RGL1: variants seen among roughly 807,000 people sequenced by gnomAD.
RGL1 encodes ral guanine nucleotide dissociation stimulator-like 1.
A neutral mutation model predicts 95.2 loss-of-function variants in RGL1; 24 were observed. The observed-to-expected ratio is 0.25, with a 90% CI of 0.18 to 0.35. The LOEUF is 0.35. Among genes scored for constraint, RGL1 ranks in the 10% least tolerant of loss-of-function variants. The pLI is 1.00. For synonymous variants in RGL1, 329 were observed against 344.9 expected, an observed-to-expected ratio of 0.95 and a Z score of 0.51; for missense variants, 715 against 936.3, an observed-to-expected ratio of 0.76 and a Z score of 3.08.
At chr1:183,783,136 C>T (rs1476595436) in intron 2 of RGL1, among the ~76,000 whole-genome samples, 1 of 152,046 alleles carries the variant, frequency 6.6e-6, no homozygotes, top group Non-Finnish European at 1.5e-5. Flanking sequence ...AAAGGAAGAA[C>T]TGAAGGGATT....
At chr1:183,717,164 C>T (rs902419618) in intron 1 of RGL1, among the ~76,000 whole-genome samples, 1 of 152,198 alleles carries the variant, frequency 6.6e-6, no homozygotes, top group African/African-American at 2.4e-5. Flanking sequence ...TACTCCTAAA[C>T]TGATCAAAGA....
rs1668676158 is a variant in RGL1 at position 183,912,135 on chromosome 1, C to T, written c.1616C>T (p.Pro539Leu). The part of the protein sequence containing the change: ...ITSPTPTKEQ[P>L]KSTASGSSGE... Reference sequence around the variant, plus strand: ...AGTCCCACTCCCACCAAAGAGCAGCCCAAGTCCACTGCCAGCGGGAGCTCT... The same window carrying T: ...AGTCCCACTCCCACCAAAGAGCAGCTCAAGTCCACTGCCAGCGGGAGCTCT... Residue 539 changes from proline (P) to leucine (L), a missense_variant, in exon 15 of 18, where the codon CCC becomes CTC. Coordinates refer to ENST00000360851, the MANE Select transcript of RGL1 (RefSeq NM_001297671.3). The T allele has an allele frequency of 6.2e-7, 1 of 1,614,102 alleles. No homozygotes were observed. The highest frequency in any genetic ancestry group is 1.1e-5 in the South Asian group (1 of 91,076).
At chr1:183,659,809 A>C (rs904353537) in intron 1 of RGL1, among the ~76,000 whole-genome samples, 15 of 151,614 alleles carry the variant, frequency 9.9e-5, no homozygotes, top group South Asian at 2.1e-4. Context: ...GCCAGAGAGA[A>C]AGGTCGGGTT....
chr1:183,865,367 G>A (rs1050557194), intron 3 of RGL1, among the ~76,000 whole-genome samples: 4 of 152,150 alleles, frequency 2.6e-5, no homozygotes, highest in Non-Finnish European at 2.9e-5. Flanking sequence ...TGTGTCTAGC[G>A]CAACCTGGCC....
chr1:183,728,545 A>G (rs1310961156), intron 1 of RGL1, among the ~76,000 whole-genome samples: 1 of 114,372 alleles, frequency 8.7e-6, no homozygotes, highest in Non-Finnish European at 1.8e-5. Context: ...TATGATGTTT[A>G]TAGATTGGAA....
At chr1:183,816,298 T>C (rs1366965272) in intron 2 of RGL1, among the ~76,000 whole-genome samples, 2 of 152,180 alleles carry the variant, frequency 1.3e-5, no homozygotes, top group African/African-American at 4.8e-5. Flanking sequence ...CGGAAACAAT[T>C]TTTCTAAAAA....
At chr1:183,638,377 G>A (rs554155646) in intron 1 of RGL1, among the ~76,000 whole-genome samples, 1 of 152,236 alleles carries the variant, frequency 6.6e-6, no homozygotes, top group Non-Finnish European at 1.5e-5. Flanking sequence ...TGATCTAAGT[G>A]CCTAGTACAT....
intron 2 of RGL1, among the ~76,000 whole-genome samples, chr1:183,757,610 G>A (rs1015939312): frequency 1.3e-5 from 2 of 152,276 alleles, no homozygotes; most frequent in East Asian, 1.9e-4. Context: ...GTGAGAAATG[G>A]AATATTGAGA....
chr1:183,919,388 G>A (rs938574708), intron 16 of RGL1, among the ~76,000 whole-genome samples: 4 of 152,154 alleles, frequency 2.6e-5, no homozygotes, highest in African/African-American at 4.8e-5. Flanking sequence ...GTGCTGTTGT[G>A]CCAGCAATTC....
At chr1:183,696,654 AC>A (rs1407582313) in intron 1 of RGL1, among the ~76,000 whole-genome samples, 1 of 152,146 alleles carries the variant, frequency 6.6e-6, no homozygotes, top group Non-Finnish European at 1.5e-5. Context: ...ATTTGATGCA[AC>A]CTCTTGTAAA....
chr1:183,818,205 T>C (rs1468551948), intron 2 of RGL1, among the ~76,000 whole-genome samples: 1 of 152,284 alleles, frequency 6.6e-6, no homozygotes, highest in Non-Finnish European at 1.5e-5. Context: ...GGGATGATGA[T>C]CCTCTTCTCA....
At chr1:183,897,787 G>C in intron 9 of RGL1, 21 bp from the exon 10 acceptor site, 1 of 1,582,386 alleles carries the variant, frequency 6.3e-7, no homozygotes, top group South Asian at 1.1e-5. Flanking sequence ...AATTCCCTCT[G>C]TGTGCATTTC....
intron 2 of RGL1, among the ~76,000 whole-genome samples, chr1:183,834,995 A>G (rs1281671202): frequency 1.3e-5 from 2 of 152,162 alleles, no homozygotes; most frequent in African/African-American, 4.8e-5. Flanking sequence ...AGCACTTTTA[A>G]TACTGTTTTA....
chr1:183,761,433 G>T (rs929560822), intron 2 of RGL1, among the ~76,000 whole-genome samples: 2 of 152,188 alleles, frequency 1.3e-5, no homozygotes, highest in Non-Finnish European at 2.9e-5. Context: ...GTAATATTTT[G>T]AAAGGAATAT....
chr1:183,785,824 C>T (rs1483552858), intron 2 of RGL1, among the ~76,000 whole-genome samples: 1 of 152,184 alleles, frequency 6.6e-6, no homozygotes, highest in East Asian at 1.9e-4. Context: ...GTGGCTTACA[C>T]CTGTAATCCT....
intron 1 of RGL1, among the ~76,000 whole-genome samples, chr1:183,643,822 C>T (rs965934074): frequency 7.9e-5 from 12 of 152,060 alleles, no homozygotes; most frequent in African/African-American, 2.2e-4. Context: ...TTTTGAGGAA[C>T]GATTTGCACT....
chr1:183,897,910 C>T lies in RGL1; in HGVS notation c.1230+13C>T. The T allele has an allele frequency of 6.2e-7, 1 of 1,609,212 alleles. No homozygotes were observed. Among genetic ancestry groups the T allele is most frequent in the Non-Finnish European group, 8.5e-7 (1 of 1,175,732 alleles). Reference sequence around the variant, plus strand: ...CCAGAAGGACATGGTATGTCTGGCCCTCGTCTTCCCTGACAGCTCACAGAG... The same window carrying T: ...CCAGAAGGACATGGTATGTCTGGCCTTCGTCTTCCCTGACAGCTCACAGAG... On this transcript the variant is annotated intron_variant, in intron 10 of 17. Transcript: ENST00000360851.
chr1:183,818,605 T>C (rs1409629745), intron 2 of RGL1, among the ~76,000 whole-genome samples: 1 of 152,086 alleles, frequency 6.6e-6, no homozygotes, highest in African/African-American at 2.4e-5. Context: ...AAAATGTTTC[T>C]CTTTGCCCTA....
intron 2 of RGL1, among the ~76,000 whole-genome samples, chr1:183,791,251 G>A (rs566740822): frequency 6.6e-6 from 1 of 152,220 alleles, no homozygotes; most frequent in East Asian, 1.9e-4. Flanking sequence ...CAACATATGA[G>A]ATATTATCTG....
Sources: gnomAD v4.1 joint callset for allele counts (sites outside exome capture counted in the v4.1 genomes callset) on GRCh38, gnomAD v4.1.1 for gene constraint, MANE v1.5 for transcripts, NCBI Gene and HGNC (gene_info 2026-07-23, HGNC 2026-07-21) for gene names.